LRRC4C: variants seen among roughly 807,000 people sequenced by gnomAD.
LRRC4C encodes the protein leucine-rich repeat-containing protein 4C.
Under a neutral mutation model 33.6 loss-of-function variants are expected in LRRC4C, and 5 were observed. That is an observed-to-expected ratio of 0.15 (90% confidence interval 0.08 to 0.31). LRRC4C has a LOEUF of 0.31. Ranked by LOEUF, LRRC4C falls within the 10% of genes least tolerant of loss-of-function variation. LRRC4C has a pLI of 1.00. For synonymous variants in LRRC4C, 329 were observed against 302.0 expected (o/e 1.09, Z -0.93); for missense variants, 560 against 796.7 (o/e 0.70, Z 3.58).
intron 3 of LRRC4C, among the ~76,000 whole-genome samples, chr11:40,560,470 T>TGTG (rs748191681): frequency 6.9e-6 from 1 of 145,392 alleles, no homozygotes; most frequent in African/African-American, 2.6e-5. Flanking sequence ...GTGTGTGTGT[T>TGTG]ATCTGTATTC....
At chr11:40,151,171 C>T (rs1347184962) in intron 5 of LRRC4C, among the ~76,000 whole-genome samples, 1 of 152,156 alleles carries the variant, frequency 6.6e-6, no homozygotes, top group Non-Finnish European at 1.5e-5. Context: ...CAAGAGTTTG[C>T]CCTGTCCAGT....
chr11:41,329,303 TC>T (rs1951220375), intron 1 of LRRC4C, among the ~76,000 whole-genome samples: 1 of 152,306 alleles, frequency 6.6e-6, no homozygotes, highest in South Asian at 2.1e-4. Context: ...TGCTAAGATC[TC>T]CCTCCTGAGC....
intron 1 of LRRC4C, among the ~76,000 whole-genome samples, chr11:41,175,395 A>AT (rs145147923): frequency 0.017 from 2,547 of 152,200 alleles, 34 homozygotes; most frequent in Non-Finnish European, 0.025. Context: ...ATAAAATAAC[A>AT]TTTTTTTCAT....
At chr11:41,389,798 G>C (rs1253545081) in intron 1 of LRRC4C, among the ~76,000 whole-genome samples, 1 of 151,806 alleles carries the variant, frequency 6.6e-6, no homozygotes, top group Non-Finnish European at 1.5e-5. Context: ...TTAAAAGTCT[G>C]ATTCCCCACA....
chr11:40,982,661 T>C (rs950289377), intron 1 of LRRC4C, among the ~76,000 whole-genome samples: 1 of 152,188 alleles, frequency 6.6e-6, no homozygotes, highest in Non-Finnish European at 1.5e-5. Flanking sequence ...TTTTCTTTTT[T>C]TTTTAAACCT....
At chr11:40,279,706 AT>A (rs1943343477) in intron 4 of LRRC4C, among the ~76,000 whole-genome samples, 1 of 152,062 alleles carries the variant, frequency 6.6e-6, no homozygotes, top group East Asian at 1.9e-4. Flanking sequence ...GAAACCACAG[AT>A]CTAAGAGGTA....
At chr11:40,304,831 A>G (rs1022594189) in intron 4 of LRRC4C, among the ~76,000 whole-genome samples, 5 of 151,658 alleles carry the variant, frequency 3.3e-5, no homozygotes, top group African/African-American at 1.2e-4. Flanking sequence ...TCTTGGGTTC[A>G]AGCAATTCTC....
intron 2 of LRRC4C, among the ~76,000 whole-genome samples, chr11:40,649,288 C>T (rs904299784): frequency 6.6e-6 from 1 of 152,126 alleles, no homozygotes; most frequent in Non-Finnish European, 1.5e-5. Context: ...CAGACACTCC[C>T]AGAGCGGCCG....
intron 1 of LRRC4C, among the ~76,000 whole-genome samples, chr11:41,247,242 C>T (rs1948483310): frequency 6.6e-6 from 1 of 152,220 alleles, no homozygotes; most frequent in African/African-American, 2.4e-5. Context: ...CCCTCTGTTG[C>T]TTTGGCTTTA....
intron 3 of LRRC4C, among the ~76,000 whole-genome samples, chr11:40,437,142 G>A (rs1024880300): frequency 6.6e-6 from 1 of 152,122 alleles, no homozygotes; most frequent in African/African-American, 2.4e-5. Flanking sequence ...ATTAATAATG[G>A]AAGCGAGAAC....
At chr11:40,475,718 G>C (rs990102242) in intron 3 of LRRC4C, among the ~76,000 whole-genome samples, 7 of 152,218 alleles carry the variant, frequency 4.6e-5, no homozygotes, top group African/African-American at 1.4e-4. Flanking sequence ...ATACACAATT[G>C]ATATTTATAC....
intron 3 of LRRC4C, among the ~76,000 whole-genome samples, chr11:40,588,753 G>C (rs948470189): frequency 6.6e-6 from 1 of 152,176 alleles, no homozygotes; most frequent in African/African-American, 2.4e-5. Flanking sequence ...TCGTTCAGGA[G>C]CAGGTTGTTC....
intron 3 of LRRC4C, among the ~76,000 whole-genome samples, chr11:40,401,168 A>T (rs1590619731): frequency 3.4e-5 from 2 of 59,056 alleles, no homozygotes; most frequent in Admixed American, 1.8e-4. Flanking sequence ...CTTAATTATT[A>T]AAAAAAAAAT....
At chr11:40,160,848 G>A (rs1372078047) in intron 5 of LRRC4C, among the ~76,000 whole-genome samples, 1 of 152,126 alleles carries the variant, frequency 6.6e-6, no homozygotes, top group African/African-American at 2.4e-5. Flanking sequence ...GTCAGAACTA[G>A]GGGTAGGCAG....
intron 2 of LRRC4C, among the ~76,000 whole-genome samples, chr11:40,678,667 C>G (rs1223487051): frequency 6.6e-6 from 1 of 152,020 alleles, no homozygotes; most frequent in Non-Finnish European, 1.5e-5. Context: ...AAGGGTAATT[C>G]CCCTGCACAA....
rs1273866273 is a variant in LRRC4C at position 40,353,216 on chromosome 11, TGCC to T, written c.-269-33498_-269-33496del. Among the ~76,000 whole-genome samples the T allele has an allele frequency of 1.5e-3, 223 of 152,212 alleles. 1 individual carries two copies. The highest frequency in any genetic ancestry group is 5.2e-3 in the African/African-American group (215 of 41,538). On this transcript the variant is annotated intron_variant, in intron 3 of 6. Transcript: ENST00000528697. ...CTTTTAGGTCAATATCTCTTAGATT[TGCC>T]TTTTTAGATTATTTTCTAGATTTTT...
intron 5 of LRRC4C, among the ~76,000 whole-genome samples, chr11:40,231,539 T>C (rs886478713): frequency 3.5e-4 from 54 of 152,182 alleles, no homozygotes; most frequent in Non-Finnish European, 6.3e-4. Context: ...ATTAAATGCA[T>C]ATTTTGTGCC....
At chr11:41,424,583 G>A (rs917312605) in intron 1 of LRRC4C, among the ~76,000 whole-genome samples, 26 of 152,030 alleles carry the variant, frequency 1.7e-4, no homozygotes, top group African/African-American at 6.3e-4. Flanking sequence ...CATGGTTTGT[G>A]GCTTGTTTGG....
rs559259494 is a variant in LRRC4C, at chr11:40,481,719, C to T, written c.-269-161998G>A. The stretch of plus-strand genomic sequence containing the variant: ...AATAAAGCAAGACTGATACTTTTTA[C>T]AATTTTCTTTGTTATGTTCTTTTAT... On this transcript the variant is annotated intron_variant, in intron 3 of 6. Coordinates refer to ENST00000528697, the MANE Select transcript of LRRC4C (RefSeq NM_001258419.2). Among the ~76,000 whole-genome samples the T allele has an allele frequency of 3.3e-5, 5 of 152,136 alleles. No homozygotes were observed. The South Asian group carries it at 1.0e-3, about 32-fold the overall frequency.
Sources: allele counts gnomAD v4.1 joint callset (sites outside exome capture counted in the v4.1 genomes callset), GRCh38; gene constraint gnomAD v4.1.1; transcripts MANE v1.5; gene names NCBI Gene and HGNC (gene_info 2026-07-23, HGNC 2026-07-21).